The following ROBO2 variants were observed in gnomAD, a reference collection of about 807,000 sequenced individuals.
The protein encoded by ROBO2 is roundabout guidance receptor 2.
In ROBO2, 53 loss-of-function variants were observed where a neutral mutation model predicts 160.8. That is an observed-to-expected ratio of 0.33 (90% CI 0.26 to 0.41). The LOEUF is 0.41. Ranked by LOEUF, ROBO2 falls within the 10% of genes least tolerant of loss-of-function variation. The pLI, the probability that ROBO2 is intolerant of heterozygous loss-of-function variation, is 1.00. For synonymous variants in ROBO2, 664 were observed against 611.7 expected (o/e 1.09, Z -1.26); for missense variants, 1,577 against 1,722.4 (o/e 0.92, Z 1.49).
chr3:76,987,672 A>G (rs1352957100), intron 2 of ROBO2, among the ~76,000 whole-genome samples: 1 of 152,192 alleles, frequency 6.6e-6, no homozygotes, highest in East Asian at 1.9e-4. Flanking sequence ...TCAAATCAGT[A>G]ATTTTAAATT....
chr3:76,957,726 GA>G (rs1283988798), intron 2 of ROBO2, among the ~76,000 whole-genome samples: 2 of 151,846 alleles, frequency 1.3e-5, no homozygotes, highest in African/African-American at 4.8e-5. Context: ...AGCTACTCAG[GA>G]GGCTGAGGCA....
intron 2 of ROBO2, among the ~76,000 whole-genome samples, chr3:76,807,555 T>C (rs1236621685): frequency 2.6e-5 from 4 of 152,076 alleles, no homozygotes; most frequent in Non-Finnish European, 4.4e-5. Flanking sequence ...TACCTCATCA[T>C]CTTTTAGGTT....
At chr3:77,151,576 T>G (rs2150528532) in intron 2 of ROBO2, among the ~76,000 whole-genome samples, 1 of 152,324 alleles carries the variant, frequency 6.6e-6, no homozygotes, top group East Asian at 1.9e-4. Context: ...TCTGTTAACA[T>G]ACACTATTTT....
At chr3:76,022,589 G>T (rs1011227768) in intron 2 of ROBO2, among the ~76,000 whole-genome samples, 1 of 151,686 alleles carries the variant, frequency 6.6e-6, no homozygotes, top group African/African-American at 2.4e-5. Context: ...CAGGTACATT[G>T]TCAATGAACA....
intron 2 of ROBO2, among the ~76,000 whole-genome samples, chr3:76,008,534 T>C (rs1295561183): frequency 1.3e-5 from 2 of 152,182 alleles, no homozygotes; most frequent in Non-Finnish European, 2.9e-5. Context: ...AAATCCTTTC[T>C]ATGATGGCAA....
chr3:76,093,423 AT>A (rs1040101603), intron 2 of ROBO2, among the ~76,000 whole-genome samples: 5 of 151,142 alleles, frequency 3.3e-5, no homozygotes, highest in Non-Finnish European at 7.4e-5. Context: ...CAAATCAAAT[AT>A]TTACTAGCAG....
chr3:77,403,573 A>AGTGTGTGTGTGT (rs57545425), intron 2 of ROBO2, among the ~76,000 whole-genome samples: 1 of 129,434 alleles, frequency 7.7e-6, no homozygotes, highest in Non-Finnish European at 1.6e-5. Context: ...TAGTTATTTC[A>AGTGTGTGTGTGT]GTGTGTGTGT....
intron 2 of ROBO2, among the ~76,000 whole-genome samples, chr3:77,130,653 G>A (rs1176424529): frequency 6.6e-6 from 1 of 152,150 alleles, no homozygotes; most frequent in Non-Finnish European, 1.5e-5. Flanking sequence ...CCATTTTCAA[G>A]TACATACATT....
At chr3:76,334,903 A>G (rs552139683) in intron 2 of ROBO2, among the ~76,000 whole-genome samples, 26 of 152,324 alleles carry the variant, frequency 1.7e-4, no homozygotes, top group Admixed American at 3.9e-4. Flanking sequence ...TCTAATTCTG[A>G]AAATAATTTG....
chr3:76,433,725 G>A (rs1006230995), intron 2 of ROBO2, among the ~76,000 whole-genome samples: 62 of 152,230 alleles, frequency 4.1e-4, no homozygotes, highest in African/African-American at 1.4e-3. Context: ...GTCCATGTCC[G>A]AGAACACGCA....
chr3:77,336,737 C>T (rs2066536834), intron 2 of ROBO2, among the ~76,000 whole-genome samples: 1 of 152,206 alleles, frequency 6.6e-6, no homozygotes, highest in Non-Finnish European at 1.5e-5. Context: ...CTGCCTAAGC[C>T]TGGTGTACCA....
At chr3:76,685,689 CAA>C (rs1259146525) in intron 2 of ROBO2, among the ~76,000 whole-genome samples, 1 of 152,042 alleles carries the variant, frequency 6.6e-6, no homozygotes, top group Non-Finnish European at 1.5e-5. Flanking sequence ...TTTTAAAAAA[CAA>C]AGTCACTTTA....
In ROBO2 at chr3:76,820,593, A is replaced by G. The variant is rs555910996; in HGVS notation, c.110-277421A>G. Among the ~76,000 whole-genome samples the G allele has an allele frequency of 1.9e-3, 288 of 152,108 alleles. 1 individual carries two copies. The highest frequency in any genetic ancestry group is 6.4e-3 in the African/African-American group (265 of 41,536). On this transcript the variant is annotated intron_variant, in intron 2 of 26. Transcript: ENST00000487694. ...GAAAATTTTAGCCATGGCCAAATAAATTACACAAAATGATAGTAATGGCTT... is the reference window on the plus strand; with the variant it reads ...GAAAATTTTAGCCATGGCCAAATAAGTTACACAAAATGATAGTAATGGCTT...
At chr3:76,378,459 A>G (rs2076456667) in intron 2 of ROBO2, among the ~76,000 whole-genome samples, 1 of 152,192 alleles carries the variant, frequency 6.6e-6, no homozygotes, top group Non-Finnish European at 1.5e-5. Context: ...CAATCCTTCT[A>G]TTTAAGAAAC....
upstream of ROBO2, among the ~76,000 whole-genome samples, chr3:77,035,110 T>C (rs1249111765): frequency 6.6e-6 from 1 of 151,928 alleles, no homozygotes; most frequent in Non-Finnish European, 1.5e-5. Flanking sequence ...TATTCTCATT[T>C]GGTAAAATCA....
At chr3:76,721,214 A>G (rs2093460293) in intron 2 of ROBO2, among the ~76,000 whole-genome samples, 1 of 152,224 alleles carries the variant, frequency 6.6e-6, no homozygotes, top group Non-Finnish European at 1.5e-5. Flanking sequence ...TGGTAAAATT[A>G]AAAATTTTTA....
intron 2 of ROBO2, among the ~76,000 whole-genome samples, chr3:77,255,880 C>A (rs1474759611): frequency 6.6e-6 from 1 of 152,204 alleles, no homozygotes; most frequent in Non-Finnish European, 1.5e-5. Context: ...TGGAAGGCTT[C>A]CAGTCACTTC....
intron 2 of ROBO2, among the ~76,000 whole-genome samples, chr3:76,274,671 T>A (rs2107647705): frequency 6.6e-6 from 1 of 151,892 alleles, no homozygotes; most frequent in East Asian, 1.9e-4. Context: ...ACCCCGTCTC[T>A]ACTAAAAATA....
At chr3:77,515,635 C>T (rs2089934427) in intron 5 of ROBO2, among the ~76,000 whole-genome samples, 1 of 151,636 alleles carries the variant, frequency 6.6e-6, no homozygotes, top group African/African-American at 2.4e-5. Context: ...AGCAGCTACT[C>T]TTTTGGTAGT....
Sources: allele counts gnomAD v4.1 joint callset (sites outside exome capture counted in the v4.1 genomes callset), GRCh38; gene constraint gnomAD v4.1.1; transcripts MANE v1.5; gene names NCBI Gene and HGNC (gene_info 2026-07-23, HGNC 2026-07-21).